PDILT: variants seen among roughly 807,000 people sequenced by gnomAD.
PDILT encodes the protein protein disulfide isomerase like, testis expressed.
In PDILT, 43 loss-of-function variants were observed where a neutral mutation model predicts 53.7. That is an observed-to-expected ratio of 0.80 (90% CI 0.63 to 1.03). The LOEUF is 1.03. PDILT is among the 50% of genes least tolerant of loss of function. The pLI is 0.00. For missense variants in PDILT, 727 were observed against 712.3 expected (o/e 1.02, Z -0.24); for synonymous variants, 282 against 274.2 (o/e 1.03, Z -0.28).
At chr16:20,379,217 C>A (rs1469129729) in intron 3 of PDILT, among the ~76,000 whole-genome samples, 1 of 151,964 alleles carries the variant, frequency 6.6e-6, no homozygotes, top group Non-Finnish European at 1.5e-5. Context: ...CTCTGTTGCC[C>A]AGGCTGGAGT....
intron 1 of PDILT, among the ~76,000 whole-genome samples, chr16:20,400,976 A>G (rs1966733368): frequency 6.6e-6 from 1 of 152,216 alleles, no homozygotes. Flanking sequence ...AATGAAATCC[A>G]TGAATTGTCA....
chr16:20,367,036 T>TTTCTTTCTTTCTTTCTCTCTCTCTTTC (rs1966212838), intron 8 of PDILT, among the ~76,000 whole-genome samples: 2 of 18,642 alleles, frequency 1.1e-4, no homozygotes, highest in African/African-American at 2.1e-4. Context: ...TCTTTCTTTC[T>TTTCTTTCTTTCTTTCTCTCTCTCTTTC]TTCTTTCTTT....
chr16:20,393,698 A>G (rs1295375088), intron 2 of PDILT, among the ~76,000 whole-genome samples: 1 of 152,186 alleles, frequency 6.6e-6, no homozygotes, highest in Non-Finnish European at 1.5e-5. Flanking sequence ...TGGAAGACCG[A>G]ATTTCTGGCA....
chr16:20,398,428 C>T (rs1688940157), intron 2 of PDILT, among the ~76,000 whole-genome samples: 1 of 152,132 alleles, frequency 6.6e-6, no homozygotes, highest in Admixed American at 6.5e-5. Flanking sequence ...TCGCGACCAG[C>T]CTGGCCTACG....
intron 10 of PDILT, among the ~76,000 whole-genome samples, chr16:20,361,493 C>G (rs1966100454): frequency 6.6e-6 from 1 of 152,182 alleles, no homozygotes; most frequent in Non-Finnish European, 1.5e-5. Flanking sequence ...TCCCTTTCCT[C>G]TTTAGGAAAG....
intron 5 of PDILT, 139 bp from the exon 6 acceptor site, chr16:20,373,261 T>C: frequency 1.4e-6 from 1 of 713,480 alleles, no homozygotes; most frequent in Non-Finnish European, 2.3e-6. Context: ...GTAATCTAGG[T>C]AGTTAATAAC....
intron 1 of PDILT, among the ~76,000 whole-genome samples, chr16:20,402,329 C>T (rs1017650066): frequency 7.6e-5 from 10 of 132,296 alleles, no homozygotes; most frequent in East Asian, 2.9e-4. Context: ...GACAGGGTCT[C>T]GCTCTGTCGC....
intron 8 of PDILT, among the ~76,000 whole-genome samples, chr16:20,366,587 A>C (rs2141704131): frequency 6.6e-6 from 1 of 152,342 alleles, no homozygotes; most frequent in African/African-American, 2.4e-5. Context: ...TTGAGCATCC[A>C]TTGCCTGTTA....
chr16:20,379,461 C>G (rs1410821832), intron 3 of PDILT, among the ~76,000 whole-genome samples: 1 of 151,948 alleles, frequency 6.6e-6, no homozygotes, highest in Non-Finnish European at 1.5e-5. Context: ...CCACCACGCC[C>G]AGCCCACACC....
intron 3 of PDILT, among the ~76,000 whole-genome samples, chr16:20,376,479 T>C (rs1315480639): frequency 6.6e-6 from 1 of 152,106 alleles, no homozygotes; most frequent in African/African-American, 2.4e-5. Flanking sequence ...AAATAGACAC[T>C]TTTACTCTCC....
intron 10 of PDILT, 101 bp downstream of exon 10, chr16:20,362,303 A>G (rs1966116211): frequency 7.9e-7 from 1 of 1,267,218 alleles, no homozygotes; most frequent in Admixed American, 2.2e-5. Flanking sequence ...CTGAGAATAA[A>G]ACTGGTTTGG....
At chr16:20,368,098 TGGAGGGAAAAATCAGGCATTG>T (rs1966241668) in intron 8 of PDILT, among the ~76,000 whole-genome samples, 1 of 152,112 alleles carries the variant, frequency 6.6e-6, no homozygotes, top group South Asian at 2.1e-4. Flanking sequence ...ATGTGTGTCC[TGGAGGGAAAAATCAGGCATTG>T]GGAGGTACTG....
At chr16:20,384,589 C>A in intron 3 of PDILT, 56 bp downstream of exon 3, 1 of 1,600,794 alleles carries the variant, frequency 6.2e-7, no homozygotes, top group African/African-American at 1.3e-5. Flanking sequence ...TACCCTATAG[C>A]TGTTAAGTGG....
intron 2 of PDILT, 57 bp from the exon 3 acceptor site, chr16:20,384,908 A>AAATAATCTACT: frequency 6.5e-7 from 1 of 1,545,256 alleles, no homozygotes; most frequent in Non-Finnish European, 8.9e-7. Context: ...CATCTCCAAC[A>AAATAATCTACT]GTAGATTATT....
Position 20,362,513 on chromosome 16 carries a change from T to A in PDILT, c.1307A>T (p.Asn436Ile). 1 of 1,614,052 alleles carries A rather than the reference T, an allele frequency of 6.2e-7. No individual in the cohort carries two copies. Among genetic ancestry groups the A allele is most frequent in the Non-Finnish European group, 8.5e-7 (1 of 1,180,008 alleles). Residue 436 changes from asparagine (N) to isoleucine (I), a missense_variant, in exon 10 of 12, where the codon AAC becomes ATC. By Grantham distance (149) the Asn-to-Ile change is moderately radical. Transcript: ENST00000302451. Reference protein sequence around the residue: ...LLEELGRKYQNHSTIIIAKID... With the variant: ...LLEELGRKYQIHSTIIIAKID... The stretch of plus-strand genomic sequence containing the variant: ...CTTGGCAATGATAATTGTGGAGTGG[T>A]TTTGATATTTTCTGCCCAATTCCTC...
At chr16:20,365,366 T>C (rs1966173812) in intron 9 of PDILT, 54 bp downstream of exon 9, 10 of 1,597,388 alleles carry the variant, frequency 6.3e-6, no homozygotes, top group Non-Finnish European at 7.7e-6. Flanking sequence ...GGAGAAACAC[T>C]TGAAACATAA....
At chr16:20,386,668 C>T (rs1338112644) in intron 2 of PDILT, among the ~76,000 whole-genome samples, 1 of 152,192 alleles carries the variant, frequency 6.6e-6, no homozygotes, top group African/African-American at 2.4e-5. Context: ...TGGATCGATG[C>T]CCCTCCACTG....
At chr16:20,369,784 G>T in intron 7 of PDILT, 95 bp from the exon 8 acceptor site, 1 of 1,252,098 alleles carries the variant, frequency 8.0e-7, no homozygotes, top group Non-Finnish European at 1.2e-6. Flanking sequence ...CACATGGTGG[G>T]GTCTGTGGAG....
chr16:20,391,398 C>T (rs1027081349), intron 2 of PDILT, among the ~76,000 whole-genome samples: 1 of 152,098 alleles, frequency 6.6e-6, no homozygotes, highest in Non-Finnish European at 1.5e-5. Flanking sequence ...TCCACATTAC[C>T]GTCTCCACAT....
Sources: gnomAD v4.1 joint callset for allele counts (sites outside exome capture counted in the v4.1 genomes callset) on GRCh38, gnomAD v4.1.1 for gene constraint, MANE v1.5 for transcripts, NCBI Gene and HGNC (gene_info 2026-07-23, HGNC 2026-07-21) for gene names.